The following TIAM2 variants were observed in gnomAD, a reference collection of about 807,000 sequenced individuals.
The protein encoded by TIAM2 is rho guanine nucleotide exchange factor TIAM2.
In TIAM2, 80 loss-of-function variants were observed where a neutral mutation model predicts 152.9. The ratio of observed to expected loss-of-function variants is 0.52; its 90% CI spans 0.44 to 0.63. The LOEUF (loss-of-function observed/expected upper bound fraction) is 0.63. TIAM2 is among the 30% of genes least tolerant of loss of function. The pLI is 0.00. For missense variants in TIAM2, 1,965 were observed against 2,120.1 expected (o/e 0.93, Z 1.44); for synonymous variants, 804 against 838.0 (o/e 0.96, Z 0.70).
intron 15 of TIAM2, chr6:155,217,202 TAA>T: frequency 8.7e-7 from 1 of 1,149,384 alleles, no homozygotes. Flanking sequence ...TAAAAATGTC[TAA>T]AGACTGATAT....
chr6:155,142,756 A>G (rs1246447248), intron 5 of TIAM2, among the ~76,000 whole-genome samples: 1 of 152,194 alleles, frequency 6.6e-6, no homozygotes, highest in Non-Finnish European at 1.5e-5. Context: ...TCAGCCTGTT[A>G]GTTTGGATGA....
intron 1 of TIAM2, among the ~76,000 whole-genome samples, chr6:155,054,763 G>A (rs141224912): frequency 6.7e-4 from 102 of 152,140 alleles, no homozygotes; most frequent in African/African-American, 2.2e-3. Context: ...AGGATCTGCC[G>A]TGATATTGGT....
chr6:155,047,714 A>AG (rs1777224479), intron 1 of TIAM2, among the ~76,000 whole-genome samples: 1 of 138,940 alleles, frequency 7.2e-6, no homozygotes, highest in African/African-American at 2.7e-5. Flanking sequence ...AGCGAGAGAG[A>AG]GAGAGAGAGA....
At position 155,129,150 on chromosome 6, in the gene TIAM2, A is replaced by G; in HGVS notation, c.-6-68A>G. 1 of 1,441,930 alleles carries G rather than the reference A, an allele frequency of 6.9e-7. No individual in the cohort carries two copies. Among genetic ancestry groups the G allele is most frequent in the Non-Finnish European group, 9.5e-7 (1 of 1,053,232 alleles). The allele number at this position is 1,441,930 out of a possible 1,614,324, so 89.3% of individuals were successfully genotyped here. ...GTGTAATATGCAGGGCATTCTTTTT[A>G]GAAAGTTCTGTCATAATGGAATGTA... is the stretch of plus-strand genomic sequence containing the variant. On this transcript the variant is annotated intron_variant, in intron 3 of 26. Transcript: ENST00000682666. The surrounding 1 kb of genome is among the most constrained non-coding windows in gnomAD (Gnocchi z 4.8).
At chr6:155,067,989 G>A (rs973093222) in intron 1 of TIAM2, among the ~76,000 whole-genome samples, 1 of 152,040 alleles carries the variant, frequency 6.6e-6, no homozygotes, top group African/African-American at 2.4e-5. Flanking sequence ...CCAACCACAC[G>A]TACAAGTGTT....
At chr6:155,226,725 A>T (rs1202593844) in intron 15 of TIAM2, among the ~76,000 whole-genome samples, 5 of 152,144 alleles carry the variant, frequency 3.3e-5, no homozygotes, top group Admixed American at 3.3e-4. Flanking sequence ...TTAAATGCTT[A>T]AAAAAATCTT....
At chr6:155,153,731 C>T (rs1338109444) in intron 7 of TIAM2, among the ~76,000 whole-genome samples, 1 of 150,464 alleles carries the variant, frequency 6.6e-6, no homozygotes, top group Non-Finnish European at 1.5e-5. Context: ...AAGCAATTCT[C>T]CTGCCTCAAC....
At chr6:155,256,001 C>T (rs1370494060) in intron 26 of TIAM2, 3 of 176,516 alleles carry the variant, frequency 1.7e-5, no homozygotes, top group African/African-American at 3.5e-5. Flanking sequence ...CAGAGCAAGA[C>T]ACTGTCTTTA....
chr6:155,053,989 A>G (rs757304875), intron 1 of TIAM2, among the ~76,000 whole-genome samples: 23 of 152,138 alleles, frequency 1.5e-4, no homozygotes, highest in Non-Finnish European at 2.9e-4. Context: ...ACCAACCAAC[A>G]TGGTGAATCC....
intron 1 of TIAM2, among the ~76,000 whole-genome samples, chr6:155,061,276 A>G (rs932982576): frequency 2.0e-5 from 3 of 147,142 alleles, no homozygotes; most frequent in African/African-American, 8.2e-5. Flanking sequence ...TTCTGTATCT[A>G]TCTGTACATA....
intron 7 of TIAM2, among the ~76,000 whole-genome samples, chr6:155,162,279 C>G (rs1291546309): frequency 6.6e-6 from 1 of 152,176 alleles, no homozygotes; most frequent in African/African-American, 2.4e-5. Context: ...TTTCTTTCCT[C>G]TTATATCTTC....
intron 14 of TIAM2, among the ~76,000 whole-genome samples, chr6:155,184,887 T>G (rs1053183433): frequency 3.3e-5 from 5 of 152,174 alleles, no homozygotes; most frequent in Admixed American, 3.3e-4. Flanking sequence ...ATTAATTACT[T>G]GGGTATATTA....
chr6:155,211,357 A>G (rs765552902), intron 15 of TIAM2, 50 bp downstream of exon 15: 1 of 1,510,742 alleles, frequency 6.6e-7, no homozygotes, highest in Non-Finnish European at 9.2e-7. Flanking sequence ...GGCGAGTGTT[A>G]GTTCCCACCT....
chr6:155,251,011 C>T lies in TIAM2; in HGVS notation c.4050C>T (p.Leu1350=), dbSNP rs1214837028. 1.2e-6 allele frequency: 2 copies of T among 1,613,884 alleles called. No homozygotes were observed. The highest frequency in any genetic ancestry group is 1.7e-6 in the Non-Finnish European group (2 of 1,179,926). ...GAAAAGCTAGAAAGGACCTTGAGCT[C>T]ACAGTATTTGGTTAGTATTCCATTC... ...SLGKARKDLE[L]TVFVFKRAVI... is the part of the protein sequence containing the mutation. The change falls in exon 22 of 27, where the codon CTC becomes CTT. Residue 1350 remains leucine (L), a synonymous_variant. Transcript: ENST00000682666.
rs955412960 is a variant in TIAM2, at chr6:155,045,735, T to C, written c.-208-44554T>C. Among the ~76,000 whole-genome samples the C allele has an allele frequency of 3.3e-5, 5 of 151,958 alleles. No individual in the cohort carries two copies. In the East Asian group the frequency reaches 9.6e-4, roughly 29 times the overall value. On this transcript the variant is annotated intron_variant, in intron 1 of 26. Coordinates refer to ENST00000682666, the MANE Select transcript of TIAM2 (RefSeq NM_012454.4). Reference sequence around the variant, plus strand: ...TTGAAGACAGCGGGTGGTGCCACAGTGCTTTTACCCCTGTGGGGAGCCGCC... The same window carrying C: ...TTGAAGACAGCGGGTGGTGCCACAGCGCTTTTACCCCTGTGGGGAGCCGCC...
At chr6:155,230,828 C>A in intron 15 of TIAM2, among the ~76,000 whole-genome samples, 1 of 148,434 alleles carries the variant, frequency 6.7e-6, no homozygotes. Context: ...TTTAAAATGG[C>A]AGAGCTACTT....
chr6:155,121,695 T>G (rs1027046130), intron 2 of TIAM2, among the ~76,000 whole-genome samples: 20 of 152,354 alleles, frequency 1.3e-4, no homozygotes, highest in African/African-American at 4.8e-4. Context: ...TGCCTGGGAC[T>G]AGGATGAGGG....
intron 8 of TIAM2, 48 bp from the exon 9 acceptor site, chr6:155,165,215 C>T (rs763399702): frequency 1.3e-6 from 2 of 1,554,544 alleles, no homozygotes; most frequent in African/African-American, 1.4e-5. Context: ...TTTTCTGCCA[C>T]TCAAATACTA....
At position 155,244,786 on chromosome 6, in the gene TIAM2, A is replaced by G; in HGVS notation, c.3543+3A>G. On this transcript the variant is annotated splice_donor_region_variant and intron_variant, in intron 18 of 26. Transcript: ENST00000682666. The stretch of plus-strand genomic sequence containing the variant: ...TAGAAACCCCCTCACAGTTTAGAGT[A>G]AGTATCTCAGATTTAGGCTTAAAGT... 6.2e-7 allele frequency: 1 copy of G among 1,603,300 alleles called. No homozygotes were observed. Among genetic ancestry groups the G allele is most frequent in the Middle Eastern group, 1.7e-4 (1 of 6,018 alleles).
Sources: gnomAD v4.1 joint callset for allele counts (sites outside exome capture counted in the v4.1 genomes callset) on GRCh38, gnomAD v4.1.1 for gene constraint, Gnocchi (gnomAD v3.1) non-coding constraint, MANE v1.5 for transcripts, NCBI Gene and HGNC (gene_info 2026-07-23, HGNC 2026-07-21) for gene names.